Variants in ZNF385B observed in about 807,000 individuals in gnomAD.
ZNF385B encodes zinc finger protein 385B, also known as zinc finger protein 533.
In ZNF385B, 23 loss-of-function variants were observed where a neutral mutation model predicts 39.2. That is an observed-to-expected ratio of 0.59 (90% CI 0.42 to 0.83). The LOEUF is 0.83. ZNF385B is among the 40% of genes least tolerant of loss of function. ZNF385B has a pLI of 0.00. For missense variants in ZNF385B, 552 were observed against 598.9 expected (o/e 0.92, Z 0.82); for synonymous variants, 205 against 222.6 (o/e 0.92, Z 0.70).
At chr2:179,525,095 T>C (rs1456484061) in intron 4 of ZNF385B, among the ~76,000 whole-genome samples, 2 of 152,140 alleles carry the variant, frequency 1.3e-5, no homozygotes, top group African/African-American at 2.4e-5. Context: ...CTCAAGTTCA[T>C]AGGTCGGCAT....
intron 3 of ZNF385B, among the ~76,000 whole-genome samples, chr2:179,566,523 C>G (rs1684596560): frequency 6.6e-6 from 1 of 152,218 alleles, no homozygotes; most frequent in Non-Finnish European, 1.5e-5. Context: ...AAGCCATAAC[C>G]TGAAGCCAAC....
chr2:179,498,061 G>C (rs1363941166), intron 5 of ZNF385B, among the ~76,000 whole-genome samples: 4 of 152,008 alleles, frequency 2.6e-5, no homozygotes, highest in Admixed American at 2.6e-4. Context: ...GATAAATAAA[G>C]GAAATGTTAT....
chr2:179,443,202 T>C lies in ZNF385B; in HGVS notation c.*48A>G. 6.2e-7 allele frequency: 1 copy of C among 1,607,514 alleles called. No individual in the cohort carries two copies. Among genetic ancestry groups the C allele is most frequent in the Non-Finnish European group, 8.5e-7 (1 of 1,176,252 alleles). ...TTAAATTGCTGAATCCTTGTGGCTTTCTTTCTCAACTTCCTACTGGCCTCA... is the reference window on the plus strand; with the variant it reads ...TTAAATTGCTGAATCCTTGTGGCTTCCTTTCTCAACTTCCTACTGGCCTCA... On this transcript the variant is annotated 3_prime_UTR_variant, in exon 10 of 10. Transcript: ENST00000410066.
At chr2:179,798,331 G>C (rs528381771) in intron 1 of ZNF385B, among the ~76,000 whole-genome samples, 1 of 151,834 alleles carries the variant, frequency 6.6e-6, no homozygotes, top group Non-Finnish European at 1.5e-5. Context: ...AGTGGGACAC[G>C]CCTTTTAAAT....
chr2:179,768,612 A>G (rs963345537), intron 3 of ZNF385B, among the ~76,000 whole-genome samples: 1 of 152,110 alleles, frequency 6.6e-6, no homozygotes, highest in Admixed American at 6.5e-5. Flanking sequence ...GCTAGAGTAG[A>G]ATTTGGAGCT....
At chr2:179,679,806 G>C (rs1177157205) in intron 3 of ZNF385B, among the ~76,000 whole-genome samples, 1 of 152,088 alleles carries the variant, frequency 6.6e-6, no homozygotes, top group African/African-American at 2.4e-5. Context: ...GAAATTCTGA[G>C]ACTTAACAGT....
chr2:179,676,112 G>C (rs1159478323), intron 3 of ZNF385B, among the ~76,000 whole-genome samples: 2 of 146,844 alleles, frequency 1.4e-5, no homozygotes, highest in African/African-American at 5.1e-5. Context: ...TCTTTGAGAC[G>C]GAGTTTCGCT....
chr2:179,757,186 G>C (rs1382894629), intron 3 of ZNF385B, among the ~76,000 whole-genome samples: 2 of 152,194 alleles, frequency 1.3e-5, no homozygotes, highest in East Asian at 3.9e-4. Flanking sequence ...CTAACAGTCA[G>C]GACCCTCAGC....
At chr2:179,630,715 C>G (rs1362111405) in intron 3 of ZNF385B, among the ~76,000 whole-genome samples, 2 of 152,182 alleles carry the variant, frequency 1.3e-5, no homozygotes, top group East Asian at 1.9e-4. Flanking sequence ...CGGTCATAAA[C>G]TTCTCCGAGC....
intron 3 of ZNF385B, among the ~76,000 whole-genome samples, chr2:179,694,732 C>G (rs1181871475): frequency 2.0e-5 from 3 of 152,098 alleles, no homozygotes; most frequent in Admixed American, 1.3e-4. Context: ...GAGTTCAAGA[C>G]CAGCCTGGCC....
intron 1 of ZNF385B, among the ~76,000 whole-genome samples, chr2:179,781,432 A>G (rs1704657580): frequency 1.3e-5 from 2 of 152,234 alleles, no homozygotes; most frequent in Admixed American, 1.3e-4. Flanking sequence ...CAATGAATGG[A>G]GTAAGTTGCT....
At chr2:179,800,421 A>G (rs1236252725) in intron 1 of ZNF385B, among the ~76,000 whole-genome samples, 1 of 152,080 alleles carries the variant, frequency 6.6e-6, no homozygotes, top group African/African-American at 2.4e-5. Context: ...TCTGAACATG[A>G]TTTCAGTTTG....
chr2:179,808,974 T>G (rs767991194), intron 1 of ZNF385B, among the ~76,000 whole-genome samples: 2 of 152,238 alleles, frequency 1.3e-5, no homozygotes, highest in Admixed American at 6.5e-5. Flanking sequence ...AAATGAAATA[T>G]TCTTTAACTA....
chr2:179,746,713 T>C (rs925592977), intron 3 of ZNF385B, among the ~76,000 whole-genome samples: 3 of 152,152 alleles, frequency 2.0e-5, no homozygotes, highest in African/African-American at 4.8e-5. Flanking sequence ...TTTATACTTT[T>C]GCTTTTTATA....
At chr2:179,610,277 A>C (rs555912029) in intron 3 of ZNF385B, among the ~76,000 whole-genome samples, 2 of 152,262 alleles carry the variant, frequency 1.3e-5, no homozygotes, top group Non-Finnish European at 2.9e-5. Context: ...GCATATGTAT[A>C]TTCAATTTTC....
chr2:179,806,319 G>C (rs1230695133), intron 1 of ZNF385B, among the ~76,000 whole-genome samples: 2 of 152,054 alleles, frequency 1.3e-5, no homozygotes, highest in African/African-American at 2.4e-5. Flanking sequence ...AAGACAACAT[G>C]CCCCTCAATT....
At chr2:179,850,396 C>A (rs1480443901) in intron 1 of ZNF385B, among the ~76,000 whole-genome samples, 1 of 152,142 alleles carries the variant, frequency 6.6e-6, no homozygotes, top group Non-Finnish European at 1.5e-5. Flanking sequence ...GGCAGCCATA[C>A]CATTACTGGA....
intron 5 of ZNF385B, among the ~76,000 whole-genome samples, chr2:179,502,365 C>T (rs1453789518): frequency 6.6e-6 from 1 of 152,136 alleles, no homozygotes; most frequent in Non-Finnish European, 1.5e-5. Flanking sequence ...TGGTTTGGCT[C>T]TTTGTCCCCA....
chr2:179,732,004 C>T (rs1375789576), intron 3 of ZNF385B, among the ~76,000 whole-genome samples: 2 of 152,176 alleles, frequency 1.3e-5, no homozygotes, highest in East Asian at 1.9e-4. Context: ...AGAAAGAATG[C>T]CTAGCAAAGG....
Sources: gnomAD v4.1 joint callset for allele counts (sites outside exome capture counted in the v4.1 genomes callset) on GRCh38, gnomAD v4.1.1 for gene constraint, MANE v1.5 for transcripts, NCBI Gene and HGNC (gene_info 2026-07-23, HGNC 2026-07-21) for gene names.